Variants in KCTD16 observed in about 807,000 individuals in gnomAD.
The protein encoded by KCTD16 is BTB/POZ domain-containing protein KCTD16.
KCTD16 carries 13 observed loss-of-function variants against 33.2 expected under a neutral mutation model. The observed-to-expected ratio is 0.39, with a 90% CI of 0.25 to 0.62. The LOEUF (loss-of-function observed/expected upper bound fraction) is 0.62, where lower values mean the gene tolerates loss of function less well. Among genes scored for constraint, KCTD16 ranks in the 20% least tolerant of loss-of-function variants. The probability of loss-of-function intolerance (pLI) is 0.50; values close to 1 mark genes in which losing one functional copy is unlikely to be tolerated. For missense variants in KCTD16, 441 were observed against 525.1 expected, an observed-to-expected ratio of 0.84 and a Z score of 1.57; for synonymous variants, 197 against 195.3, an observed-to-expected ratio of 1.01 and a Z score of -0.07.
At chr5:144,295,032 A>G (rs1755997525) in intron 3 of KCTD16, among the ~76,000 whole-genome samples, 1 of 152,228 alleles carries the variant, frequency 6.6e-6, no homozygotes, top group South Asian at 2.1e-4. Flanking sequence ...AGCAGTATGT[A>G]AACTGCTGGG....
At chr5:144,462,091 T>G (rs925904481) in intron 3 of KCTD16, among the ~76,000 whole-genome samples, 2 of 152,180 alleles carry the variant, frequency 1.3e-5, no homozygotes, top group Admixed American at 1.3e-4. Context: ...CCCTGGCATT[T>G]TTTAATTTTA....
chr5:144,211,534 T>C (rs1413607574), intron 3 of KCTD16, among the ~76,000 whole-genome samples: 1 of 152,162 alleles, frequency 6.6e-6, no homozygotes, highest in Non-Finnish European at 1.5e-5. Context: ...ACAATTACAT[T>C]AGGCTATGTG....
chr5:144,284,134 T>C (rs1281138945), intron 3 of KCTD16, among the ~76,000 whole-genome samples: 1 of 152,184 alleles, frequency 6.6e-6, no homozygotes, highest in Non-Finnish European at 1.5e-5. Context: ...AGAATATCTT[T>C]CTGAAAATTG....
intron 3 of KCTD16, among the ~76,000 whole-genome samples, chr5:144,386,781 A>G (rs1388450662): frequency 1.3e-5 from 2 of 152,230 alleles, no homozygotes; most frequent in African/African-American, 4.8e-5. Context: ...AAACAAACAA[A>G]ACAAAAAAAA....
chr5:144,288,388 G>A (rs567460682), intron 3 of KCTD16, among the ~76,000 whole-genome samples: 2 of 152,130 alleles, frequency 1.3e-5, no homozygotes, highest in African/African-American at 2.4e-5. Context: ...CCTGTTAGAT[G>A]AGATGTGGGA....
chr5:144,446,593 AG>A (rs2126981325), intron 3 of KCTD16, among the ~76,000 whole-genome samples: 1 of 152,318 alleles, frequency 6.6e-6, no homozygotes, highest in African/African-American at 2.4e-5. Context: ...GCACAGCGAA[AG>A]AAACTATCAT....
intron 3 of KCTD16, among the ~76,000 whole-genome samples, chr5:144,355,643 A>G (rs1380857870): frequency 2.6e-5 from 4 of 151,970 alleles, no homozygotes; most frequent in African/African-American, 9.7e-5. Context: ...CCTACTTATC[A>G]TTTCTTTTTC....
intron 3 of KCTD16, among the ~76,000 whole-genome samples, chr5:144,376,926 G>T (rs1752106125): frequency 6.6e-6 from 1 of 152,328 alleles, no homozygotes; most frequent in African/African-American, 2.4e-5. Flanking sequence ...TCATAATTGA[G>T]CAGTCTTTCT....
chr5:144,345,585 T>C (rs969055022), intron 3 of KCTD16, among the ~76,000 whole-genome samples: 1 of 152,196 alleles, frequency 6.6e-6, no homozygotes, highest in African/African-American at 2.4e-5. Flanking sequence ...ACCGAGTACC[T>C]ATCTATGCCA....
At chr5:144,204,995 GA>G (rs1295581286) in intron 2 of KCTD16, among the ~76,000 whole-genome samples, 70 of 151,946 alleles carry the variant, frequency 4.6e-4, no homozygotes, top group African/African-American at 1.6e-3. Context: ...CGTGAACGAG[GA>G]GGGGGGAGGG....
intron 3 of KCTD16, among the ~76,000 whole-genome samples, chr5:144,416,931 CCATCTAG>C (rs1319703927): frequency 5.9e-5 from 9 of 152,222 alleles, no homozygotes; most frequent in Non-Finnish European, 1.0e-4. Context: ...GGCTCATCTA[CCATCTAG>C]CATGTATCAA....
rs745888164 is a variant in KCTD16 at position 144,478,471 on chromosome 5, A to T, written c.*4357A>T. On this transcript the variant is annotated 3_prime_UTR_variant, in exon 4 of 4. Coordinates refer to ENST00000512467, the MANE Select transcript of KCTD16 (RefSeq NM_020768.4). ...TGGAATGGAGATTCTTTTTCCAGTG[A>T]TCTCCATTGCAAACTTTTTAATAGT... 6.6e-6 allele frequency: 1 copy of T among 152,026 alleles called. No homozygotes were observed. The allele number at this position is 152,026 out of a possible 1,614,324, so 9.4% of individuals were successfully genotyped here.
chr5:144,188,286 T>G (rs1752769195), intron 2 of KCTD16, among the ~76,000 whole-genome samples: 2 of 152,246 alleles, frequency 1.3e-5, no homozygotes, highest in African/African-American at 4.8e-5. Context: ...CTTCCAGATT[T>G]ACTGTTATTT....
intron 3 of KCTD16, among the ~76,000 whole-genome samples, chr5:144,378,315 G>A (rs1482570569): frequency 2.0e-5 from 3 of 152,162 alleles, no homozygotes; most frequent in African/African-American, 7.2e-5. Flanking sequence ...ATATGTATAT[G>A]AATAAGGTGG....
At chr5:144,232,603 A>G (rs1281088361) in intron 3 of KCTD16, among the ~76,000 whole-genome samples, 1 of 152,172 alleles carries the variant, frequency 6.6e-6, no homozygotes, top group Non-Finnish European at 1.5e-5. Context: ...ACATCTTTCA[A>G]TGAACTGTGA....
At chr5:144,312,189 G>T (rs1305605026) in intron 3 of KCTD16, among the ~76,000 whole-genome samples, 3 of 152,154 alleles carry the variant, frequency 2.0e-5, no homozygotes, top group South Asian at 4.1e-4. Flanking sequence ...TTTGACTTGG[G>T]TGGCCCTCTT....
chr5:144,465,344 A>C (rs1168531503), intron 3 of KCTD16, among the ~76,000 whole-genome samples: 4 of 151,962 alleles, frequency 2.6e-5, no homozygotes, highest in Non-Finnish European at 4.4e-5. Context: ...GAGCTTTTTA[A>C]TTCCTTTTCC....
chr5:144,175,120 T>C (rs1364806114), intron 2 of KCTD16, among the ~76,000 whole-genome samples: 2 of 152,216 alleles, frequency 1.3e-5, no homozygotes, highest in African/African-American at 4.8e-5. Flanking sequence ...CACCTATTTA[T>C]ACTTCAAGAA....
chr5:144,279,180 T>C (rs1344438982), intron 3 of KCTD16, among the ~76,000 whole-genome samples: 1 of 152,234 alleles, frequency 6.6e-6, no homozygotes, highest in Non-Finnish European at 1.5e-5. Flanking sequence ...GCTTTTCTTG[T>C]AGTTTAAGAG....
Sources: gnomAD v4.1 joint callset for allele counts (sites outside exome capture counted in the v4.1 genomes callset) on GRCh38, gnomAD v4.1.1 for gene constraint, MANE v1.5 for transcripts, NCBI Gene and HGNC (gene_info 2026-07-23, HGNC 2026-07-21) for gene names.